Variants in LRMDA observed in about 807,000 individuals in gnomAD.
LRMDA encodes the protein leucine rich melanocyte differentiation associated, also known as leucine-rich melanocyte differentiation-associated protein.
A neutral mutation model predicts 29.8 loss-of-function variants in LRMDA; 18 were observed. The observed-to-expected ratio is 0.60, with a 90% CI of 0.42 to 0.90. The LOEUF (loss-of-function observed/expected upper bound fraction) is 0.90, where lower values mean the gene tolerates loss of function less well. Among genes scored for constraint, LRMDA ranks in the 40% least tolerant of loss-of-function variants. LRMDA has a pLI of 0.00. For synonymous variants in LRMDA, 125 were observed against 109.4 expected, an observed-to-expected ratio of 1.14 and a Z score of -0.89; for missense variants, 273 against 273.9, an observed-to-expected ratio of 1.00 and a Z score of 0.02.
chr10:76,407,137 G>A (rs1244051344), intron 6 of LRMDA, among the ~76,000 whole-genome samples: 1 of 152,168 alleles, frequency 6.6e-6, no homozygotes, highest in African/African-American at 2.4e-5. Flanking sequence ...GGCAGCTGAA[G>A]GGTGCACAGA....
At chr10:76,186,367 C>A (rs1177275951) in intron 5 of LRMDA, among the ~76,000 whole-genome samples, 3 of 152,292 alleles carry the variant, frequency 2.0e-5, no homozygotes, top group Admixed American at 2.0e-4. Context: ...TGTTTTTGTT[C>A]TTTTGTCAAA....
intron 5 of LRMDA, among the ~76,000 whole-genome samples, chr10:76,062,934 A>G (rs1301551660): frequency 6.6e-6 from 1 of 152,188 alleles, no homozygotes; most frequent in Non-Finnish European, 1.5e-5. Context: ...AGGCCTGTCC[A>G]GGATGACGTG....
chr10:76,178,385 A>G lies in LRMDA; in HGVS notation c.516+119602A>G, dbSNP rs542532842. ...CTTTGTGTCTTCGTAGGTATGGTAC[A>G]TGGCTGTAATTGAATACATTAATCC... On this transcript the variant is annotated intron_variant, in intron 5 of 6. Coordinates refer to ENST00000611255, the MANE Select transcript of LRMDA (RefSeq NM_001305581.2). 2.0e-3 allele frequency among the ~76,000 whole-genome samples: 300 copies of G among 152,356 alleles called. 1 individual carries two copies. Among genetic ancestry groups the G allele is most frequent in the South Asian group, 6.2e-3 (30 of 4,828 alleles).
chr10:76,260,097 T>C (rs1839914017), intron 5 of LRMDA, among the ~76,000 whole-genome samples: 1 of 152,166 alleles, frequency 6.6e-6, no homozygotes, highest in Admixed American at 6.5e-5. Flanking sequence ...TACTGATAGG[T>C]GAGGACTTAC....
At chr10:76,060,278 T>C (rs1312835906) in intron 5 of LRMDA, among the ~76,000 whole-genome samples, 1 of 152,210 alleles carries the variant, frequency 6.6e-6, no homozygotes, top group African/African-American at 2.4e-5. Flanking sequence ...CCTGCGCTCA[T>C]TGACTTTGAT....
intron 2 of LRMDA, among the ~76,000 whole-genome samples, chr10:75,959,457 G>A (rs1200290232): frequency 2.0e-5 from 3 of 152,150 alleles, no homozygotes; most frequent in Non-Finnish European, 4.4e-5. Context: ...TCAGATCAAA[G>A]CTGTGGACTC....
chr10:76,396,364 C>T (rs1841783989), intron 6 of LRMDA: 1 of 152,162 alleles, frequency 6.6e-6, no homozygotes, highest in Admixed American at 6.5e-5. Context: ...AGTCATAAAT[C>T]AGATATGAGA....
intron 6 of LRMDA, among the ~76,000 whole-genome samples, chr10:76,402,029 A>G (rs1413823000): frequency 6.6e-6 from 1 of 152,140 alleles, no homozygotes; most frequent in Non-Finnish European, 1.5e-5. Context: ...ACTTTCTGAG[A>G]ATCAAATGAG....
chr10:75,821,988 A>G (rs1021962630), intron 2 of LRMDA, among the ~76,000 whole-genome samples: 2 of 152,188 alleles, frequency 1.3e-5, no homozygotes, highest in African/African-American at 4.8e-5. Flanking sequence ...TACAGCACTC[A>G]GTCAAGAGAA....
chr10:76,350,592 G>A (rs866945048), intron 6 of LRMDA, among the ~76,000 whole-genome samples: 20 of 152,008 alleles, frequency 1.3e-4, no homozygotes, highest in African/African-American at 4.6e-4. Flanking sequence ...AGGAGCTAAC[G>A]TTGCTGGTGT....
intron 2 of LRMDA, among the ~76,000 whole-genome samples, chr10:76,020,097 T>G (rs542807508): frequency 3.9e-5 from 6 of 152,180 alleles, no homozygotes; most frequent in Non-Finnish European, 8.8e-5. Context: ...GGATGCTGCA[T>G]CAAACACAAG....
rs1421998331 is a variant in LRMDA at position 75,510,208 on chromosome 10, C to CA, written c.131+71715dup. Among the ~76,000 whole-genome samples the CA allele has an allele frequency of 2.6e-5, 4 of 152,286 alleles. No individual in the cohort carries two copies. In the East Asian group the frequency reaches 7.7e-4, roughly 29 times the overall value. Reference sequence around the variant, plus strand: ...GCTTGCTTTCTTCCACAAGTGATGGCATGACAGAAAATAGGGGAGAGGAGA... The same window carrying CA: ...GCTTGCTTTCTTCCACAAGTGATGGCAATGACAGAAAATAGGGGAGAGGAGA... On this transcript the variant is annotated intron_variant, in intron 2 of 6. Transcript: ENST00000611255.
chr10:75,797,468 A>G (rs902837926), intron 2 of LRMDA, among the ~76,000 whole-genome samples: 1 of 152,190 alleles, frequency 6.6e-6, no homozygotes, highest in Non-Finnish European at 1.5e-5. Flanking sequence ...AAAATCATAT[A>G]GTTATATAAC....
intron 2 of LRMDA, among the ~76,000 whole-genome samples, chr10:75,699,492 GA>G (rs1354180432): frequency 1.3e-5 from 2 of 152,148 alleles, no homozygotes; most frequent in Non-Finnish European, 1.5e-5. Flanking sequence ...TCTGCCCAAA[GA>G]AGAGTTTTAG....
intron 6 of LRMDA, among the ~76,000 whole-genome samples, chr10:76,503,096 T>G (rs2579757): frequency 0.67 from 100,923 of 151,746 alleles, 35,659 homozygotes; most frequent in Non-Finnish European, 0.81. Flanking sequence ...TGAGTGTTTT[T>G]ATCATGAAGG....
intron 5 of LRMDA, among the ~76,000 whole-genome samples, chr10:76,169,245 G>A (rs1025242439): frequency 1.3e-5 from 2 of 152,188 alleles, no homozygotes; most frequent in African/African-American, 4.8e-5. Context: ...TCATTCCACA[G>A]TGCTTTCAGT....
At chr10:75,939,005 T>C (rs1846343735) in intron 2 of LRMDA, among the ~76,000 whole-genome samples, 1 of 152,166 alleles carries the variant, frequency 6.6e-6, no homozygotes, top group Non-Finnish European at 1.5e-5. Context: ...ATTACCTTAG[T>C]GAAACCAGCG....
chr10:76,301,964 A>G (rs376972062), intron 5 of LRMDA, among the ~76,000 whole-genome samples: 1 of 152,232 alleles, frequency 6.6e-6, no homozygotes. Context: ...AAAAGGAAAT[A>G]GCAAGTTGTT....
At position 75,548,558 on chromosome 10, in the gene LRMDA, T is replaced by C. The variant is rs908877559; in HGVS notation, c.131+110064T>C. On this transcript the variant is annotated intron_variant, in intron 2 of 6. Transcript: ENST00000611255. ...AAACAATGAGGGGTAGTTCCTATTTTCAGCACAGGAGCCCCAGATGGTCTT... is the reference window on the plus strand; with the variant it reads ...AAACAATGAGGGGTAGTTCCTATTTCCAGCACAGGAGCCCCAGATGGTCTT... Among the ~76,000 whole-genome samples the C allele has an allele frequency of 3.3e-5, 5 of 152,168 alleles. No individual in the cohort carries two copies. In the East Asian group the frequency reaches 7.7e-4, roughly 23 times the overall value.
Sources: allele counts gnomAD v4.1 joint callset (sites outside exome capture counted in the v4.1 genomes callset), GRCh38; gene constraint gnomAD v4.1.1; transcripts MANE v1.5; gene names NCBI Gene and HGNC (gene_info 2026-07-23, HGNC 2026-07-21).